Variants in STPG2 observed in about 807,000 individuals in gnomAD.
The protein encoded by STPG2 is sperm tail PG-rich repeat containing 2, also known as sperm-tail PG-rich repeat-containing protein 2.
STPG2 carries 56 observed loss-of-function variants against 54.2 expected under a neutral mutation model. The ratio of observed to expected loss-of-function variants is 1.03; its 90% CI spans 0.83 to 1.29. The LOEUF is 1.29. Among genes scored for constraint, STPG2 ranks in the 50% most tolerant of loss-of-function variants. The probability of loss-of-function intolerance (pLI) is 0.00; values close to 1 mark genes in which losing one functional copy is unlikely to be tolerated. For missense variants in STPG2, 596 were observed against 544.9 expected, an observed-to-expected ratio of 1.09 and a Z score of -0.93; for synonymous variants, 200 against 181.8, an observed-to-expected ratio of 1.10 and a Z score of -0.81.
At chr4:97,449,772 A>G (rs1729317988) in intron 4 of STPG2, among the ~76,000 whole-genome samples, 1 of 152,192 alleles carries the variant, frequency 6.6e-6, no homozygotes, top group Admixed American at 6.5e-5. Context: ...GACTGTCTTC[A>G]TGTAATAGAA....
chr4:97,725,427 A>T (rs1724590492), intron 9 of STPG2, among the ~76,000 whole-genome samples: 1 of 152,048 alleles, frequency 6.6e-6, no homozygotes, highest in Non-Finnish European at 1.5e-5. Context: ...GAAGAAAAAA[A>T]AATAGTTTAG....
intron 8 of STPG2, among the ~76,000 whole-genome samples, chr4:97,927,334 TTTG>T (rs1363307426): frequency 6.6e-6 from 1 of 152,136 alleles, no homozygotes; most frequent in South Asian, 2.1e-4. Flanking sequence ...TGTGATATAT[TTTG>T]TTATGAGTCG....
intron 9 of STPG2, among the ~76,000 whole-genome samples, chr4:97,774,374 C>T (rs758521671): frequency 6.6e-6 from 1 of 151,994 alleles, no homozygotes; most frequent in Non-Finnish European, 1.5e-5. Context: ...TTTTTATGGC[C>T]CAGTGAACCA....
chr4:97,523,532 T>C (rs1731223416), intron 4 of STPG2, among the ~76,000 whole-genome samples: 1 of 151,982 alleles, frequency 6.6e-6, no homozygotes, highest in African/African-American at 2.4e-5. Context: ...GATTAAACAG[T>C]TAAAAATTGT....
intron 4 of STPG2, among the ~76,000 whole-genome samples, chr4:97,522,641 A>G (rs1359412102): frequency 6.6e-6 from 1 of 152,036 alleles, no homozygotes; most frequent in Non-Finnish European, 1.5e-5. Context: ...CAACCTGCAG[A>G]GTATGTGCAT....
intron 8 of STPG2, among the ~76,000 whole-genome samples, chr4:97,896,947 T>C (rs181841785): frequency 4.6e-5 from 7 of 152,068 alleles, no homozygotes; most frequent in Admixed American, 1.3e-4. Flanking sequence ...ATGTGCAGGA[T>C]TGTTATATAG....
At position 97,631,628 on chromosome 4, in the gene STPG2, A is replaced by G. The variant is rs79565607; in HGVS notation, c.1321-72511T>C. Among the ~76,000 whole-genome samples the G allele has an allele frequency of 3.1e-4, 47 of 152,198 alleles. No homozygotes were observed. In the East Asian group the frequency reaches 8.5e-3, roughly 28 times the overall value. On this transcript the variant is annotated intron_variant, in intron 10 of 10. Coordinates refer to ENST00000295268, the MANE Select transcript of STPG2 (RefSeq NM_174952.3). ...AAAGCACTTGCCCTTAATGGAAAAT[A>G]TTGAAGACACCTAAAGCAAAATTTT...
At chr4:97,632,404 T>A (rs1187519935) in intron 10 of STPG2, among the ~76,000 whole-genome samples, 1 of 151,970 alleles carries the variant, frequency 6.6e-6, no homozygotes, top group Non-Finnish European at 1.5e-5. Flanking sequence ...CTGTTAATGT[T>A]CATAATAATA....
intron 8 of STPG2, among the ~76,000 whole-genome samples, chr4:97,904,661 G>A (rs1165129528): frequency 2.0e-5 from 3 of 152,204 alleles, no homozygotes; most frequent in Admixed American, 2.0e-4. Context: ...ATTACTCCGA[G>A]CTATGGGAGG....
chr4:97,730,809 T>C (rs770616709), intron 9 of STPG2, among the ~76,000 whole-genome samples: 2 of 152,338 alleles, frequency 1.3e-5, no homozygotes, highest in Middle Eastern at 3.4e-3. Context: ...CTGTTATTAA[T>C]ACTTCCAACT....
intron 5 of STPG2, among the ~76,000 whole-genome samples, chr4:98,003,364 G>A (rs72686463): frequency 6.6e-6 from 1 of 151,846 alleles, no homozygotes; most frequent in South Asian, 2.1e-4. Context: ...ATTTGGAATT[G>A]GCTTACAAAT....
chr4:97,834,358 T>C (rs1057306947), intron 9 of STPG2, among the ~76,000 whole-genome samples: 11 of 151,776 alleles, frequency 7.2e-5, no homozygotes, highest in Admixed American at 5.9e-4. Context: ...GGGCCTGTCA[T>C]GGGGTGGGGC....
At chr4:97,442,057 T>A (rs1239479411) in intron 4 of STPG2, among the ~76,000 whole-genome samples, 1 of 151,954 alleles carries the variant, frequency 6.6e-6, no homozygotes, top group Non-Finnish European at 1.5e-5. Flanking sequence ...TACCTTTTTT[T>A]TCACTAAGCT....
intron 5 of STPG2, among the ~76,000 whole-genome samples, chr4:98,082,285 C>A (rs1383447056): frequency 6.6e-6 from 1 of 151,990 alleles, no homozygotes; most frequent in Non-Finnish European, 1.5e-5. Context: ...ACAGAAGGAG[C>A]AACTCAAGAC....
chr4:98,049,896 T>C (rs1737261287), intron 5 of STPG2, among the ~76,000 whole-genome samples: 1 of 152,158 alleles, frequency 6.6e-6, no homozygotes, highest in South Asian at 2.1e-4. Context: ...TTAATCTGAT[T>C]ATGCCTCTAG....
intron 8 of STPG2, among the ~76,000 whole-genome samples, chr4:97,906,469 C>A (rs948321557): frequency 6.6e-6 from 1 of 152,196 alleles, no homozygotes; most frequent in Non-Finnish European, 1.5e-5. Flanking sequence ...CCTTCTGAAA[C>A]TATTCCTATC....
chr4:97,949,308 C>T (rs1445041662), intron 7 of STPG2, among the ~76,000 whole-genome samples: 1 of 152,014 alleles, frequency 6.6e-6, no homozygotes, highest in Non-Finnish European at 1.5e-5. Flanking sequence ...TTATATAAAT[C>T]CCTCAATGTT....
chr4:97,980,208 G>T (rs1210746238), intron 6 of STPG2, among the ~76,000 whole-genome samples: 2 of 152,068 alleles, frequency 1.3e-5, no homozygotes, highest in Non-Finnish European at 2.9e-5. Context: ...TTTAAAAAAT[G>T]ATCCTGGAGT....
At chr4:97,568,037 A>G (rs1044319008) in intron 10 of STPG2, among the ~76,000 whole-genome samples, 1 of 152,178 alleles carries the variant, frequency 6.6e-6, no homozygotes, top group African/African-American at 2.4e-5. Context: ...AGTGTTTTTC[A>G]TATTAGAAAC....
Sources: gnomAD v4.1 joint callset for allele counts (sites outside exome capture counted in the v4.1 genomes callset) on GRCh38, gnomAD v4.1.1 for gene constraint, MANE v1.5 for transcripts, NCBI Gene and HGNC (gene_info 2026-07-23, HGNC 2026-07-21) for gene names.